Variants in BEND7 observed in about 807,000 individuals in gnomAD.
BEND7 encodes BEN domain containing 7, also known as BEN domain-containing protein 7.
A neutral mutation model predicts 50.9 loss-of-function variants in BEND7; 28 were observed. The observed-to-expected ratio is 0.55, with a 90% CI of 0.41 to 0.75. The LOEUF is 0.75. Among genes scored for constraint, BEND7 ranks in the 30% least tolerant of loss-of-function variants. BEND7 has a pLI of 0.00. For missense variants in BEND7, 477 were observed against 491.3 expected, an observed-to-expected ratio of 0.97 and a Z score of 0.28; for synonymous variants, 170 against 183.9, an observed-to-expected ratio of 0.92 and a Z score of 0.61.
intron 2 of BEND7, chr10:13,502,854 T>C (rs7904554): frequency 0.38 from 375,843 of 977,114 alleles, 73,822 homozygotes; most frequent in Non-Finnish European, 0.4. Flanking sequence ...ATGGGGCAGA[T>C]ACCCACCCCG....
chr10:13,516,454 G>A (rs902198107), intron 2 of BEND7, among the ~76,000 whole-genome samples: 7 of 152,202 alleles, frequency 4.6e-5, no homozygotes, highest in South Asian at 4.1e-4. Context: ...GGCTGGGCGC[G>A]GTGGCTCACG....
intron 6 of BEND7, among the ~76,000 whole-genome samples, chr10:13,463,315 C>A (rs2073902313): frequency 6.6e-6 from 1 of 152,112 alleles, no homozygotes; most frequent in Admixed American, 6.5e-5. Context: ...GAAAACAACA[C>A]AGAGGCAAAG....
At chr10:13,498,690 T>A (rs1350636943) in intron 3 of BEND7, among the ~76,000 whole-genome samples, 1 of 152,244 alleles carries the variant, frequency 6.6e-6, no homozygotes, top group Non-Finnish European at 1.5e-5. Context: ...CTTTTCAGCT[T>A]GTTATAAATC....
Position 13,441,439 on chromosome 10 carries a change from T to TGG in BEND7, c.*303_*304insCC. On this transcript the variant is annotated 3_prime_UTR_variant, in exon 9 of 9. Transcript: ENST00000466271. ...TACGTATTTCCAGTGTGTAGATCCG[T>TGG]TCATCGCACACATCTTTGGGTTGAA... 1 of 1,163,394 alleles carries TGG rather than the reference T, an allele frequency of 8.6e-7. No individual in the cohort carries two copies. Among genetic ancestry groups the TGG allele is most frequent in the Non-Finnish European group, 1.1e-6 (1 of 950,878 alleles). 72.1% of individuals were successfully genotyped at this position (1,163,394 alleles called of 1,614,324 possible).
chr10:13,480,517 T>C, intron 6 of BEND7: 2 of 496,322 alleles, frequency 4.0e-6, no homozygotes, highest in Non-Finnish European at 5.2e-6. Flanking sequence ...TACTTTATCT[T>C]TTTTTTTTTT....
chr10:13,499,732 T>G, intron 3 of BEND7, 46 bp downstream of exon 3: 11 of 1,420,434 alleles, frequency 7.7e-6, no homozygotes, highest in Non-Finnish European at 1.1e-5. Context: ...AATAGAACAG[T>G]ACAAACCCCC....
At chr10:13,475,796 G>A (rs562896330) in intron 6 of BEND7, among the ~76,000 whole-genome samples, 5 of 152,220 alleles carry the variant, frequency 3.3e-5, no homozygotes, top group Admixed American at 6.5e-5. Flanking sequence ...AGTGTTTAGT[G>A]TGCTGCAAAA....
At chr10:13,526,537 CCAAT>C (rs761996876) in intron 1 of BEND7, among the ~76,000 whole-genome samples, 1 of 152,052 alleles carries the variant, frequency 6.6e-6, no homozygotes, top group Non-Finnish European at 1.5e-5. Flanking sequence ...GTATGTTTGC[CCAAT>C]CATAGAGCAG....
At chr10:13,440,542 T>A (rs1001141488), downstream of BEND7, among the ~76,000 whole-genome samples, 1 of 152,210 alleles carries the variant, frequency 6.6e-6, no homozygotes, top group Non-Finnish European at 1.5e-5. Context: ...AGACCCTGAA[T>A]TGAACCTCCG....
chr10:13,445,022 G>A (rs1201503892), intron 8 of BEND7: 1 of 152,100 alleles, frequency 6.6e-6, no homozygotes, highest in Non-Finnish European at 1.5e-5. Flanking sequence ...GTTTCACCGT[G>A]TTAGCCAGGA....
chr10:13,506,685 G>A (rs1373951534), intron 2 of BEND7, among the ~76,000 whole-genome samples: 2 of 152,170 alleles, frequency 1.3e-5, no homozygotes, highest in Non-Finnish European at 2.9e-5. Flanking sequence ...GAGGAACCTG[G>A]CTAGAATGTT....
At chr10:13,505,063 CTGAG>C (rs1196539165) in intron 2 of BEND7, among the ~76,000 whole-genome samples, 2 of 152,376 alleles carry the variant, frequency 1.3e-5, no homozygotes, top group East Asian at 1.9e-4. Context: ...AACAAACAAA[CTGAG>C]AGAGAGTGCA....
At chr10:13,471,035 A>T (rs1195832531) in intron 6 of BEND7, among the ~76,000 whole-genome samples, 1 of 152,180 alleles carries the variant, frequency 6.6e-6, no homozygotes, top group Non-Finnish European at 1.5e-5. Flanking sequence ...CTCTTCATTC[A>T]AGGCCTAGTT....
At chr10:13,496,927 C>CAAAAA in intron 3 of BEND7, 39 bp from the exon 4 acceptor site, 2 of 810,698 alleles carry the variant, frequency 2.5e-6, no homozygotes, top group South Asian at 5.1e-5. Flanking sequence ...TCCAAACAAA[C>CAAAAA]CAAAAAAAAA....
intron 6 of BEND7, among the ~76,000 whole-genome samples, chr10:13,473,478 G>C (rs2075109254): frequency 6.7e-6 from 1 of 150,252 alleles, no homozygotes; most frequent in African/African-American, 2.5e-5. Flanking sequence ...TTAGACTCGG[G>C]GTTGATATCT....
chr10:13,439,111 A>G, downstream of BEND7: 1 of 1,429,940 alleles, frequency 7.0e-7, no homozygotes, highest in Non-Finnish European at 9.5e-7. Context: ...CTGACATCAC[A>G]AGGCTCAGAT....
At chr10:13,473,358 C>T (rs191731901) in intron 6 of BEND7, among the ~76,000 whole-genome samples, 10 of 151,364 alleles carry the variant, frequency 6.6e-5, no homozygotes, top group Non-Finnish European at 7.4e-5. Context: ...GACTCAGGGC[C>T]GATATCGTCA....
intron 6 of BEND7, among the ~76,000 whole-genome samples, chr10:13,461,575 A>G (rs1840218942): frequency 6.6e-6 from 1 of 152,160 alleles, no homozygotes; most frequent in Admixed American, 6.5e-5. Context: ...TCTACCAAAA[A>G]TACAAAAATT....
chr10:13,506,667 A>G (rs1459406016), intron 2 of BEND7, among the ~76,000 whole-genome samples: 2 of 152,208 alleles, frequency 1.3e-5, no homozygotes, highest in East Asian at 3.8e-4. Context: ...TGAAACCGGT[A>G]TGGCATAGAG....
Sources: gnomAD v4.1 joint callset for allele counts (sites outside exome capture counted in the v4.1 genomes callset) on GRCh38, gnomAD v4.1.1 for gene constraint, MANE v1.5 for transcripts, NCBI Gene and HGNC (gene_info 2026-07-23, HGNC 2026-07-21) for gene names.